SUPT3H: variants seen among roughly 807,000 people sequenced by gnomAD.
SUPT3H encodes the protein SPT3 homolog, SAGA and STAGA complex component.
Under a neutral mutation model 44.3 loss-of-function variants are expected in SUPT3H, and 44 were observed. The observed-to-expected ratio is 0.99, with a 90% confidence interval of 0.78 to 1.28. The LOEUF is 1.28. SUPT3H is among the 50% of genes most tolerant of loss of function. The pLI is 0.00. For synonymous variants in SUPT3H, 124 were observed against 125.6 expected (o/e 0.99, Z 0.09); for missense variants, 380 against 387.1 (o/e 0.98, Z 0.15).
At position 45,243,608 on chromosome 6, in the gene SUPT3H, T is replaced by C. The variant is rs1346212302; in HGVS notation, c.101+121593A>G. Reference sequence around the variant, plus strand: ...AAACACTGAAATGATAATAGGGTAATATTTTGAGTTACTTTATGCCAATAA... The same window carrying C: ...AAACACTGAAATGATAATAGGGTAACATTTTGAGTTACTTTATGCCAATAA... On this transcript the variant is annotated intron_variant, in intron 2 of 10. Transcript: ENST00000371459. Among the ~76,000 whole-genome samples, 7 of 152,268 alleles carry C rather than the reference T, an allele frequency of 4.6e-5. No individual in the cohort carries two copies. The East Asian group carries it at 1.4e-3, about 29-fold the overall frequency.
chr6:45,337,093 A>G (rs760352007), intron 2 of SUPT3H, among the ~76,000 whole-genome samples: 2 of 151,742 alleles, frequency 1.3e-5, no homozygotes, highest in Non-Finnish European at 3.0e-5. Context: ...CCCCGAACAT[A>G]GGAGATATAC....
chr6:45,184,785 A>G (rs1213003839), intron 2 of SUPT3H, among the ~76,000 whole-genome samples: 7 of 10,186 alleles, frequency 6.9e-4, no homozygotes, highest in Non-Finnish European at 1.8e-3. Flanking sequence ...GAAAAAAAAA[A>G]AAAAAAAAAA....
At chr6:44,820,264 T>G (rs761560337) in intron 11 of SUPT3H, among the ~76,000 whole-genome samples, 2 of 152,210 alleles carry the variant, frequency 1.3e-5, no homozygotes, top group Non-Finnish European at 2.9e-5. Context: ...ATAATATTAC[T>G]GAAACCTAAT....
intron 2 of SUPT3H, chr6:45,159,142 C>G (rs544190493): frequency 2.3e-4 from 35 of 152,298 alleles, no homozygotes; most frequent in African/African-American, 8.2e-4. Flanking sequence ...GTTGTCAAGC[C>G]TCTGCTCTTC....
intron 9 of SUPT3H, among the ~76,000 whole-genome samples, chr6:44,936,919 G>A (rs1169652105): frequency 2.0e-5 from 3 of 151,842 alleles, no homozygotes; most frequent in Non-Finnish European, 2.9e-5. Flanking sequence ...CACCTGCCTC[G>A]GCCTCCCAAT....
At chr6:44,914,669 T>TAGGGAGATTAAAATTGGACTCTATC in intron 10 of SUPT3H, among the ~76,000 whole-genome samples, 2 of 152,266 alleles carry the variant, frequency 1.3e-5, no homozygotes, top group South Asian at 4.1e-4. Context: ...TAAAACTGAT[T>TAGGGAGATTAAAATTGGACTCTATC]AGGGAGATTA....
At chr6:44,868,343 A>C (rs1252914259) in intron 10 of SUPT3H, among the ~76,000 whole-genome samples, 3 of 152,176 alleles carry the variant, frequency 2.0e-5, no homozygotes, top group African/African-American at 7.2e-5. Flanking sequence ...AAAATTTAAA[A>C]ACCAAGTTCA....
chr6:45,335,158 C>T (rs1788303843), intron 2 of SUPT3H, among the ~76,000 whole-genome samples: 1 of 151,108 alleles, frequency 6.6e-6, no homozygotes, highest in East Asian at 1.9e-4. Flanking sequence ...TCTAATTTTT[C>T]TATGATAATT....
intron 11 of SUPT3H, among the ~76,000 whole-genome samples, chr6:44,812,095 T>C (rs1766571990): frequency 6.6e-6 from 1 of 152,244 alleles, no homozygotes; most frequent in African/African-American, 2.4e-5. Context: ...AATAGTTTTC[T>C]ATGATGCCGT....
Position 44,998,257 on chromosome 6 carries a change from C to G in SUPT3H, c.504+5396G>C, listed in dbSNP as rs538580998. On this transcript the variant is annotated intron_variant, in intron 6 of 10. Transcript: ENST00000371459. ...TAAACTGGGTTAGATTCAGAGACTT[C>G]TGAGCATACAACTGTTTAAAAAAAT... Among the ~76,000 whole-genome samples the G allele has an allele frequency of 3.3e-5, 5 of 151,870 alleles. No homozygotes were observed. In the East Asian group the frequency reaches 9.7e-4, roughly 29 times the overall value.
At chr6:45,225,266 C>T (rs138544270) in intron 2 of SUPT3H, among the ~76,000 whole-genome samples, 2,968 of 125,884 alleles carry the variant, frequency 0.024, 103 homozygotes, top group African/African-American at 0.082. Flanking sequence ...ACAACAAGAG[C>T]GAAACTCCAT....
chr6:44,928,751 C>T (rs559046291), intron 10 of SUPT3H, among the ~76,000 whole-genome samples: 10 of 150,954 alleles, frequency 6.6e-5, no homozygotes, highest in South Asian at 2.1e-4. Context: ...GGCGCAGTGG[C>T]GGGCGCCTGT....
intron 1 of SUPT3H, among the ~76,000 whole-genome samples, chr6:45,369,111 T>C (rs779585493): frequency 1.3e-5 from 2 of 152,130 alleles, no homozygotes; most frequent in African/African-American, 2.4e-5. Flanking sequence ...CCATTTTAAG[T>C]GGACTTTGGA....
rs541383892 is a variant in SUPT3H at position 45,037,792 on chromosome 6, G to A, written c.187-17160C>T. Among the ~76,000 whole-genome samples, 49 of 148,190 alleles carry A rather than the reference G, an allele frequency of 3.3e-4. 1 individual carries two copies. In the South Asian group the frequency reaches 7.5e-3, roughly 23 times the overall value. ...ATTAACCAGCCTGGGCAACAAGAGC[G>A]AAACTCAGTCTCAAAAAAAAAAAAA... On this transcript the variant is annotated intron_variant, in intron 3 of 10. Coordinates refer to ENST00000371459, the MANE Select transcript of SUPT3H (RefSeq NM_003599.4).
chr6:45,298,267 A>G (rs1244668653), intron 2 of SUPT3H, among the ~76,000 whole-genome samples: 1 of 152,244 alleles, frequency 6.6e-6, no homozygotes, highest in African/African-American at 2.4e-5. Context: ...CCATTAAGAA[A>G]TTTTGTTTTC....
chr6:44,922,014 T>G (rs1380505277), intron 10 of SUPT3H, among the ~76,000 whole-genome samples: 1 of 152,236 alleles, frequency 6.6e-6, no homozygotes, highest in Non-Finnish European at 1.5e-5. Context: ...CTCCACCTAT[T>G]GGGCATATGC....
intron 2 of SUPT3H, among the ~76,000 whole-genome samples, chr6:45,289,610 G>C (rs1040050351): frequency 1.3e-5 from 2 of 152,042 alleles, no homozygotes; most frequent in Admixed American, 1.3e-4. Flanking sequence ...TAACTTGAGA[G>C]GTCAGATAAT....
chr6:45,285,439 T>C lies in SUPT3H; in HGVS notation c.101+79762A>G, dbSNP rs571673765. On this transcript the variant is annotated intron_variant, in intron 2 of 10. Transcript: ENST00000371459. ...TGTGCAAAAATCACAAGCATTCTTA[T>C]ACACCAATAACAGACAAACAGAGAG... 1.2e-4 allele frequency among the ~76,000 whole-genome samples: 18 copies of C among 152,290 alleles called. No homozygotes were observed. The South Asian group carries it at 3.1e-3, about 26-fold the overall frequency.
At chr6:45,237,519 G>T (rs752121586) in intron 2 of SUPT3H, among the ~76,000 whole-genome samples, 1 of 152,122 alleles carries the variant, frequency 6.6e-6, no homozygotes, top group Non-Finnish European at 1.5e-5. Context: ...ATGAAATGGG[G>T]TATGTCCCTG....
Sources: gnomAD v4.1 joint callset for allele counts (sites outside exome capture counted in the v4.1 genomes callset) on GRCh38, gnomAD v4.1.1 for gene constraint, MANE v1.5 for transcripts, NCBI Gene and HGNC (gene_info 2026-07-23, HGNC 2026-07-21) for gene names.